Variants in KCNIP1 observed in about 807,000 individuals in gnomAD.
KCNIP1 encodes potassium voltage-gated channel interacting protein 1.
In KCNIP1, 18 loss-of-function variants were observed where a neutral mutation model predicts 33.0. That is an observed-to-expected ratio of 0.55 (90% CI 0.38 to 0.81). The LOEUF (loss-of-function observed/expected upper bound fraction) is 0.81. KCNIP1 is among the 30% of genes least tolerant of loss of function. KCNIP1 has a pLI of 0.00. For missense variants in KCNIP1, 238 were observed against 271.6 expected (o/e 0.88, Z 0.87); for synonymous variants, 93 against 98.3 (o/e 0.95, Z 0.32).
chr5:170,683,401 A>T (rs1397346928), intron 1 of KCNIP1, among the ~76,000 whole-genome samples: 1 of 152,150 alleles, frequency 6.6e-6, no homozygotes, highest in South Asian at 2.1e-4. Flanking sequence ...TGTCTCTAAA[A>T]TTTCACCCTC....
At chr5:170,718,626 A>C (rs1038596593) in intron 1 of KCNIP1, 132 bp from the exon 2 acceptor site, 4 of 1,006,344 alleles carry the variant, frequency 4.0e-6, no homozygotes, top group Non-Finnish European at 5.8e-6. Flanking sequence ...TAGGAAGGCC[A>C]TTGGCAGTGT....
intron 1 of KCNIP1, among the ~76,000 whole-genome samples, chr5:170,354,558 C>A (rs1043726413): frequency 1.3e-5 from 2 of 152,206 alleles, no homozygotes; most frequent in African/African-American, 4.8e-5. Context: ...ACATTTCATG[C>A]CTATGTCCAT....
At chr5:170,559,501 T>G (rs914455414) in intron 1 of KCNIP1, among the ~76,000 whole-genome samples, 1 of 152,144 alleles carries the variant, frequency 6.6e-6, no homozygotes, top group Non-Finnish European at 1.5e-5. Flanking sequence ...ACACTCCTAT[T>G]CATCCTTCAA....
Position 170,504,540 on chromosome 5 carries a change from G to A in KCNIP1, c.-33G>A, listed in dbSNP as rs1207937469. Reference sequence around the variant, plus strand: ...CCAGGGTAGGGGAGGGGCCGGGCCCGGGGTCCCAACTCGCACTCAAGTCTT... The same window carrying A: ...CCAGGGTAGGGGAGGGGCCGGGCCCAGGGTCCCAACTCGCACTCAAGTCTT... On this transcript the variant is annotated 5_prime_UTR_variant, in exon 1 of 8. Transcript: ENST00000328939. The surrounding 1 kb of genome is among the most constrained non-coding windows in gnomAD (Gnocchi z 6.0). 2 of 1,611,906 alleles carry A rather than the reference G, an allele frequency of 1.2e-6. No homozygotes were observed. The highest frequency in any genetic ancestry group is 1.7e-6 in the Non-Finnish European group (2 of 1,179,896).
chr5:170,497,303 C>T (rs1757328284), intron 1 of KCNIP1, among the ~76,000 whole-genome samples: 1 of 152,188 alleles, frequency 6.6e-6, no homozygotes, highest in Admixed American at 6.5e-5. Flanking sequence ...TCATTTAATC[C>T]TCATAGCAAC....
chr5:170,367,175 C>A (rs1448840561), intron 1 of KCNIP1, among the ~76,000 whole-genome samples: 1 of 151,726 alleles, frequency 6.6e-6, no homozygotes, highest in Non-Finnish European at 1.5e-5. Context: ...ATTAGCTGGG[C>A]ATGGTGGCAC....
chr5:170,422,477 GA>G (rs1755518486), intron 1 of KCNIP1: 1 of 152,186 alleles, frequency 6.6e-6, no homozygotes, highest in Non-Finnish European at 1.5e-5. Context: ...GGGCCAGCAT[GA>G]GCCCAGGGGC....
intron 1 of KCNIP1, among the ~76,000 whole-genome samples, chr5:170,600,088 C>A (rs1758633973): frequency 6.6e-6 from 1 of 152,058 alleles, no homozygotes; most frequent in Non-Finnish European, 1.5e-5. Flanking sequence ...AGGGTCACCC[C>A]TTCAGATGAA....
At chr5:170,512,536 C>T (rs1008351256) in intron 1 of KCNIP1, among the ~76,000 whole-genome samples, 5 of 152,222 alleles carry the variant, frequency 3.3e-5, no homozygotes, top group African/African-American at 1.2e-4. Flanking sequence ...CAGGTTACCT[C>T]GCTTCTGTGA....
chr5:170,402,811 C>A (rs929544654), intron 1 of KCNIP1, among the ~76,000 whole-genome samples: 23 of 152,128 alleles, frequency 1.5e-4, no homozygotes, highest in Admixed American at 1.2e-3. Flanking sequence ...CAGCTGGCCA[C>A]GGCTGCCACA....
chr5:170,678,706 T>C (rs1406078183), intron 1 of KCNIP1: 1 of 152,228 alleles, frequency 6.6e-6, no homozygotes, highest in Non-Finnish European at 1.5e-5. Context: ...GATGAAACTT[T>C]GGGACGGGAG....
intron 1 of KCNIP1, among the ~76,000 whole-genome samples, chr5:170,400,407 G>T (rs1015258919): frequency 2.0e-5 from 3 of 152,036 alleles, no homozygotes; most frequent in African/African-American, 7.2e-5. Flanking sequence ...GATCTCATGA[G>T]AACTCCCTTA....
chr5:170,367,300 G>A (rs1175873179), intron 1 of KCNIP1, among the ~76,000 whole-genome samples: 3 of 144,762 alleles, frequency 2.1e-5, no homozygotes, highest in Non-Finnish European at 4.5e-5. Context: ...GGCAACAAGA[G>A]CAAAACTCCG....
Position 170,652,498 on chromosome 5 carries a change from A to AAAGG in KCNIP1, c.62-66242_62-66239dup, listed in dbSNP as rs1554107877. 8.8e-3 allele frequency among the ~76,000 whole-genome samples: 909 copies of AAAGG among 103,018 alleles called. 14 individuals carry two copies. Among genetic ancestry groups the AAAGG allele is most frequent in the African/African-American group, 0.033 (770 of 23,258 alleles). 67.6% of individuals were successfully genotyped at this position (103,018 alleles called of 152,430 possible). A position where few individuals can be genotyped will look rare whatever the true frequency, so the allele number is the denominator to read the frequency against. ...AGACCCTATTAAAAAAAAAAAAAAA[A>AAAGG]AAGGAAGGAAGGAAGGAAGGAGAAA... On this transcript the variant is annotated intron_variant, in intron 1 of 7. Coordinates refer to ENST00000328939, the MANE Select transcript of KCNIP1 (RefSeq NM_014592.4).
chr5:170,436,883 A>C (rs1490090577), intron 1 of KCNIP1, among the ~76,000 whole-genome samples: 1 of 152,192 alleles, frequency 6.6e-6, no homozygotes, highest in South Asian at 2.1e-4. Context: ...GTAGGGGAGA[A>C]AAGATTTCTT....
intron 1 of KCNIP1, among the ~76,000 whole-genome samples, chr5:170,439,655 G>T (rs1382028747): frequency 6.6e-6 from 1 of 152,218 alleles, no homozygotes; most frequent in Non-Finnish European, 1.5e-5. Context: ...GGGCGCGCTA[G>T]CCTGAGGAAC....
At chr5:170,588,996 CTTTT>C (rs67130531) in intron 1 of KCNIP1, among the ~76,000 whole-genome samples, 1 of 117,400 alleles carries the variant, frequency 8.5e-6, no homozygotes. Context: ...ATACTTACTT[CTTTT>C]TTTTTTTTTT....
chr5:170,719,699 C>A lies in KCNIP1; in HGVS notation c.187-622C>A, dbSNP rs531909593. The stretch of plus-strand genomic sequence containing the variant: ...TGCTGACCCACAGGGATTCCAGCCC[C>A]TCCTGGGAGTTATCTGACAGGTGCT... On this transcript the variant is annotated intron_variant, in intron 2 of 7. Transcript: ENST00000328939. Among the ~76,000 whole-genome samples, 7 of 152,280 alleles carry A rather than the reference C, an allele frequency of 4.6e-5. No homozygotes were observed. The South Asian group carries it at 1.5e-3, about 32-fold the overall frequency.
At chr5:170,579,973 GAA>G (rs35046053) in intron 1 of KCNIP1, among the ~76,000 whole-genome samples, 1 of 142,288 alleles carries the variant, frequency 7.0e-6, no homozygotes, top group African/African-American at 2.6e-5. Context: ...AAATAGGAAA[GAA>G]AAAAAAAAAA....
Sources: allele counts gnomAD v4.1 joint callset (sites outside exome capture counted in the v4.1 genomes callset), GRCh38; gene constraint gnomAD v4.1.1; non-coding constraint Gnocchi (gnomAD v3.1); transcripts MANE v1.5; gene names NCBI Gene and HGNC (gene_info 2026-07-23, HGNC 2026-07-21).